Variants in NPHS2 observed in about 807,000 individuals in gnomAD.
The protein encoded by NPHS2 is NPHS2 stomatin family member, podocin.
In NPHS2, 36 loss-of-function variants were observed where a neutral mutation model predicts 37.1. The ratio of observed to expected loss-of-function variants is 0.97; its 90% CI spans 0.74 to 1.28. NPHS2 has a LOEUF of 1.28. NPHS2 is among the 50% of genes most tolerant of loss of function. The probability of loss-of-function intolerance (pLI) is 0.00; values close to 1 mark genes in which losing one functional copy is unlikely to be tolerated. For missense variants in NPHS2, 447 were observed against 488.1 expected (o/e 0.92, Z 0.79); for synonymous variants, 196 against 189.3 (o/e 1.04, Z -0.29).
Position 179,559,707 on chromosome 1 carries a change from A to G in NPHS2, c.506T>C (p.Leu169Pro), listed in dbSNP as rs762336297. ...ATGAAAAGGTATCTCCAGAGTTTGG[A>G]GACGAAGGTCAACCTTGTGGTAGGT... ...LDTYHKVDLRLQTLEIPFHEI... is the reference protein window; with the variant it reads ...LDTYHKVDLRPQTLEIPFHEI... The change falls in exon 4 of 8, where the codon CTC (leucine) becomes CCC (proline). Residue 169 changes from leucine (L) to proline (P), a missense_variant. Physicochemically the swap from Leu to Pro is moderately conservative, Grantham distance 98 (BLOSUM62 -3). Transcript: ENST00000367615. 9 of 1,591,756 alleles carry G rather than the reference A, an allele frequency of 5.7e-6. No homozygotes were observed. Among genetic ancestry groups the G allele is most frequent in the Admixed American group, 3.4e-5 (2 of 58,334 alleles).
intron 3 of NPHS2, 117 bp from the exon 4 acceptor site, chr1:179,559,878 C>A (rs970625769): frequency 2.5e-5 from 16 of 650,966 alleles, no homozygotes; most frequent in Non-Finnish European, 2.9e-6. Flanking sequence ...TAATTACAGA[C>A]CATTGGCCCA....
rs756998523 is a variant in NPHS2, at chr1:179,551,366, T to G, written c.959A>C (p.Gln320Pro). ...CTGAAGGGTGTGGAGGTATCGAAGC[T>G]GAACGGCAGCAGGGGTGCCTGACAG... is the stretch of plus-strand genomic sequence containing the variant. Reference protein sequence around the residue: ...EILSGTPAAVQLRYLHTLQSL... With the variant: ...EILSGTPAAVPLRYLHTLQSL... The change falls in exon 8 of 8, where the codon CAG becomes CCG. Residue 320 changes from glutamine (Q) to proline (P), a missense_variant. Transcript: ENST00000367615. 3.7e-6 allele frequency: 6 copies of G among 1,614,106 alleles called. No individual in the cohort carries two copies.
chr1:179,554,975 G>A (rs1015921799), intron 5 of NPHS2, among the ~76,000 whole-genome samples: 1 of 152,166 alleles, frequency 6.6e-6, no homozygotes, highest in Non-Finnish European at 1.5e-5. Context: ...GATAGAAGCA[G>A]GAAATGGAAT....
intron 7 of NPHS2, 95 bp from the exon 8 acceptor site, chr1:179,551,546 C>T: frequency 6.9e-7 from 1 of 1,441,622 alleles, no homozygotes; most frequent in Middle Eastern, 2.4e-4. Flanking sequence ...CACTGAGCAT[C>T]TACTATGTGG....
chr1:179,558,388 T>C (rs1674016041), intron 4 of NPHS2, among the ~76,000 whole-genome samples: 3 of 152,166 alleles, frequency 2.0e-5, no homozygotes, highest in Non-Finnish European at 4.4e-5. Context: ...TCAAGGTTCA[T>C]CTATCTTGTA....
intron 1 of NPHS2, among the ~76,000 whole-genome samples, chr1:179,568,857 G>A (rs1464710456): frequency 6.6e-6 from 1 of 152,082 alleles, no homozygotes; most frequent in African/African-American, 2.4e-5. Context: ...GTAGTTGTGT[G>A]GTTTTGAGTG....
At chr1:179,555,647 A>G (rs1256116202) in intron 5 of NPHS2, among the ~76,000 whole-genome samples, 1 of 152,214 alleles carries the variant, frequency 6.6e-6, no homozygotes, top group Non-Finnish European at 1.5e-5. Context: ...GACAAATAAA[A>G]TCTTGCCTGT....
In NPHS2 at chr1:179,557,119, A is replaced by C; in HGVS notation, c.646T>G (p.Phe216Val). The change falls in exon 5 of 8, where the codon TTC (phenylalanine) becomes GTC (valine). Residue 216 changes from phenylalanine to valine, a missense_variant. Coordinates refer to ENST00000367615, the MANE Select transcript of NPHS2 (RefSeq NM_014625.4). ...SLAHVSKAVQFLVQTTMKRLL... is the reference protein window; with the variant it reads ...SLAHVSKAVQVLVQTTMKRLL... ...CGCTTCATAGTGGTTTGCACAAGGA[A>C]TTGCACAGCTTTAGATACATGAGCA... The C allele has an allele frequency of 6.2e-7, 1 of 1,614,140 alleles. No homozygotes were observed. Among genetic ancestry groups the C allele is most frequent in the Non-Finnish European group, 8.5e-7 (1 of 1,179,990 alleles).
In NPHS2 at chr1:179,556,257, C is replaced by A. The variant is rs1039873879; in HGVS notation, c.738+770G>T. Among the ~76,000 whole-genome samples, 3 of 152,226 alleles carry A rather than the reference C, an allele frequency of 2.0e-5. No homozygotes were observed. The highest frequency in any genetic ancestry group is 6.5e-5 in the Admixed American group (1 of 15,290). ...TCCTCCTTCCAACTACCATGGTTCA[C>A]AACCTCCTAACCCAGTTCTGGGCCT... On this transcript the variant is annotated intron_variant, in intron 5 of 7. Coordinates refer to ENST00000367615, the MANE Select transcript of NPHS2 (RefSeq NM_014625.4). The surrounding 1 kb of genome is among the most constrained non-coding windows in gnomAD (Gnocchi z 4.1).
chr1:179,553,146 G>A (rs2125773961), intron 6 of NPHS2, among the ~76,000 whole-genome samples: 1 of 152,312 alleles, frequency 6.6e-6, no homozygotes, highest in African/African-American at 2.4e-5. Context: ...GTACAAAATT[G>A]TCTTTTGACC....
intron 1 of NPHS2, among the ~76,000 whole-genome samples, chr1:179,569,050 G>A (rs1420480795): frequency 6.6e-6 from 1 of 152,196 alleles, no homozygotes; most frequent in Non-Finnish European, 1.5e-5. Flanking sequence ...GGAGAGTTCT[G>A]TAGATGCCTA....
chr1:179,552,825 C>G (rs1673513560), intron 6 of NPHS2, 144 bp from the exon 7 acceptor site: 1 of 705,678 alleles, frequency 1.4e-6, no homozygotes, highest in African/African-American at 1.7e-5. Context: ...TCCTAGACTT[C>G]TGAGGTCAAA....
At position 179,556,673 on chromosome 1, in the gene NPHS2, C is replaced by T. The variant is rs536037750; in HGVS notation, c.738+354G>A. On this transcript the variant is annotated intron_variant, in intron 5 of 7. Transcript: ENST00000367615. The surrounding 1 kb of genome is among the most constrained non-coding windows in gnomAD (Gnocchi z 4.1). ...CAGGTAGACAGTAAGCTCCTGGGAA[C>T]CATGCTTTATCATCTTTGTGTACCA... Among the ~76,000 whole-genome samples, 15 of 152,280 alleles carry T rather than the reference C, an allele frequency of 9.9e-5. No individual in the cohort carries two copies. The Middle Eastern group carries it at 0.017, about 173-fold the overall frequency.
Position 179,557,182 on chromosome 1 carries a change from A to G in NPHS2, c.583T>C (p.Tyr195His). The G allele has an allele frequency of 1.2e-6, 2 of 1,614,108 alleles. No individual in the cohort carries two copies. Among genetic ancestry groups the G allele is most frequent in the Non-Finnish European group, 1.7e-6 (2 of 1,179,986 alleles). The change falls in exon 5 of 8, where the codon TAC becomes CAC. Residue 195 changes from tyrosine to histidine, a missense_variant. Tyr to His is a moderately conservative substitution (Grantham distance 83). Coordinates refer to ENST00000367615, the MANE Select transcript of NPHS2 (RefSeq NM_014625.4). ...FIMEIDAICY[Y>H]RMENASLLLS... ...AGAAGAGAGGCATTTTCCATTCGGT[A>G]GTAGCAAATGGCATCTATCTCCATT...
intron 5 of NPHS2, 110 bp from the exon 6 acceptor site, chr1:179,554,641 G>A: frequency 6.8e-7 from 1 of 1,471,508 alleles, no homozygotes; most frequent in South Asian, 1.1e-5. Context: ...CCCTTTGAAA[G>A]GACATTATTT....
At chr1:179,567,060 G>A (rs1369707284) in intron 1 of NPHS2, among the ~76,000 whole-genome samples, 1 of 152,028 alleles carries the variant, frequency 6.6e-6, no homozygotes, top group Non-Finnish European at 1.5e-5. Context: ...TCTTTTTTTG[G>A]TTCCATATGA....
chr1:179,572,613 T>G (rs543556077), intron 1 of NPHS2, among the ~76,000 whole-genome samples: 1 of 152,208 alleles, frequency 6.6e-6, no homozygotes, highest in Non-Finnish European at 1.5e-5. Context: ...GTAAGAGTTA[T>G]GAAAATTTCA....
In NPHS2 at chr1:179,552,694, G is replaced by A; in HGVS notation, c.795-13C>T. ...CCTCACATCTTTACTGAAAAAGAAA[G>A]AATGCAGGTATGTAGGTGTGCAGCC... On this transcript the variant is annotated splice_polypyrimidine_tract_variant and intron_variant, in intron 6 of 7. Transcript: ENST00000367615. The A allele has an allele frequency of 6.2e-7, 1 of 1,609,024 alleles. No individual in the cohort carries two copies. The highest frequency in any genetic ancestry group is 8.5e-7 in the Non-Finnish European group (1 of 1,175,658).
intron 6 of NPHS2, among the ~76,000 whole-genome samples, chr1:179,553,757 C>A (rs1439411729): frequency 6.6e-6 from 1 of 151,894 alleles, no homozygotes; most frequent in Non-Finnish European, 1.5e-5. Flanking sequence ...TTCTTTTTTT[C>A]TTTCTTTGAG....
Sources: allele counts gnomAD v4.1 joint callset (sites outside exome capture counted in the v4.1 genomes callset), GRCh38; gene constraint gnomAD v4.1.1; non-coding constraint Gnocchi (gnomAD v3.1); transcripts MANE v1.5; gene names NCBI Gene and HGNC (gene_info 2026-07-23, HGNC 2026-07-21).